TEAD1: variants seen among roughly 807,000 people sequenced by gnomAD.
TEAD1 encodes transcriptional enhancer factor TEF-1.
TEAD1 carries 9 observed loss-of-function variants against 54.9 expected under a neutral mutation model. The observed-to-expected ratio is 0.16, with a 90% CI of 0.10 to 0.29. The LOEUF is 0.29. Ranked by LOEUF, TEAD1 falls within the 10% of genes least tolerant of loss-of-function variation. The pLI is 1.00. For synonymous variants in TEAD1, 200 were observed against 187.8 expected, an observed-to-expected ratio of 1.07 and a Z score of -0.53; for missense variants, 387 against 535.9, an observed-to-expected ratio of 0.72 and a Z score of 2.74.
rs67533556 is a variant in TEAD1, at chr11:12,775,657, AATATAG to A, written c.202+11225_202+11230del. The stretch of plus-strand genomic sequence containing the variant: ...GAGACTGTTCAACTTGATAAATCTA[AATATAG>A]AAGTGTGTTCGTTGGGAGGATCCTA... On this transcript the variant is annotated intron_variant, in intron 3 of 12. Coordinates refer to ENST00000527636, the MANE Select transcript of TEAD1 (RefSeq NM_021961.6). Among the ~76,000 whole-genome samples, 1,333 of 151,288 alleles carry A rather than the reference AATATAG, an allele frequency of 8.8e-3. 21 individuals carry two copies. Among genetic ancestry groups the A allele is most frequent in the African/African-American group, 0.03 (1,233 of 40,584 alleles).
At chr11:12,850,247 C>G (rs1947246204) in intron 3 of TEAD1, among the ~76,000 whole-genome samples, 1 of 152,118 alleles carries the variant, frequency 6.6e-6, no homozygotes, top group Admixed American at 6.5e-5. Context: ...CCCAGCATGA[C>G]CAGCGTGGGG....
In TEAD1 at chr11:12,870,329, C is replaced by T. The variant is rs567612365; in HGVS notation, c.330+5429C>T. ...AGACCCTGACTGCAGAGGAGAGATACGAGGTTCAGGACATATAGGGGATGG... is the reference window on the plus strand; with the variant it reads ...AGACCCTGACTGCAGAGGAGAGATATGAGGTTCAGGACATATAGGGGATGG... On this transcript the variant is annotated intron_variant, in intron 5 of 12. Coordinates refer to ENST00000527636, the MANE Select transcript of TEAD1 (RefSeq NM_021961.6). 3.3e-5 allele frequency among the ~76,000 whole-genome samples: 5 copies of T among 152,104 alleles called. No homozygotes were observed. In the East Asian group the frequency reaches 5.8e-4, roughly 18 times the overall value.
At chr11:12,686,455 AT>A (rs1293435326) in intron 2 of TEAD1, among the ~76,000 whole-genome samples, 6 of 152,174 alleles carry the variant, frequency 3.9e-5, no homozygotes, top group South Asian at 4.1e-4. Context: ...ACTCATAAGT[AT>A]TTTTTTAAAA....
At chr11:12,775,683 A>C (rs1945402188) in intron 3 of TEAD1, among the ~76,000 whole-genome samples, 1 of 152,138 alleles carries the variant, frequency 6.6e-6, no homozygotes, top group African/African-American at 2.4e-5. Flanking sequence ...CGTTGGGAGG[A>C]TCCTAGAAAA....
At chr11:12,890,208 C>G (rs1326460235) in intron 9 of TEAD1, among the ~76,000 whole-genome samples, 1 of 152,200 alleles carries the variant, frequency 6.6e-6, no homozygotes, top group Non-Finnish European at 1.5e-5. Context: ...ACTCTGTATT[C>G]TTAACCATGT....
intron 3 of TEAD1, among the ~76,000 whole-genome samples, chr11:12,773,912 T>C (rs1945364723): frequency 6.6e-6 from 1 of 152,242 alleles, no homozygotes; most frequent in Admixed American, 6.5e-5. Flanking sequence ...TCTAAGAGTT[T>C]ATAGTTGTAT....
intron 2 of TEAD1, among the ~76,000 whole-genome samples, chr11:12,753,615 A>G (rs1432747042): frequency 1.3e-5 from 2 of 151,842 alleles, no homozygotes; most frequent in East Asian, 3.9e-4. Flanking sequence ...CTGATTTCTT[A>G]TTGTTTGGAG....
intron 5 of TEAD1, among the ~76,000 whole-genome samples, chr11:12,871,149 C>T (rs2134081616): frequency 6.6e-6 from 1 of 152,332 alleles, no homozygotes; most frequent in Non-Finnish European, 1.5e-5. Flanking sequence ...GCTTCTAGGC[C>T]TATGGAATAT....
At chr11:12,732,011 T>C (rs936578613) in intron 2 of TEAD1, among the ~76,000 whole-genome samples, 1 of 152,352 alleles carries the variant, frequency 6.6e-6, no homozygotes, top group Admixed American at 6.5e-5. Flanking sequence ...CACTGAGTCA[T>C]TGAGCTTGTG....
chr11:12,724,642 C>T (rs1040992837), intron 2 of TEAD1, among the ~76,000 whole-genome samples: 4 of 152,208 alleles, frequency 2.6e-5, no homozygotes, highest in Admixed American at 2.6e-4. Context: ...GTTCAGGTGC[C>T]TTTGAAACAC....
intron 3 of TEAD1, among the ~76,000 whole-genome samples, chr11:12,788,209 T>G (rs1292005147): frequency 1.3e-5 from 2 of 151,322 alleles, no homozygotes; most frequent in East Asian, 3.9e-4. Flanking sequence ...CGACCTTGGC[T>G]CACTGCAACC....
At chr11:12,830,971 C>T (rs1946766911) in intron 3 of TEAD1, among the ~76,000 whole-genome samples, 1 of 152,186 alleles carries the variant, frequency 6.6e-6, no homozygotes, top group African/African-American at 2.4e-5. Context: ...TGCCCTTCAT[C>T]TGCCGCAGGA....
chr11:12,684,955 A>G (rs1943302953), intron 2 of TEAD1, among the ~76,000 whole-genome samples: 1 of 152,196 alleles, frequency 6.6e-6, no homozygotes, highest in South Asian at 2.1e-4. Context: ...AGATGAGCTG[A>G]GTTCCTTCTG....
At chr11:12,860,856 C>T (rs76627537) in intron 3 of TEAD1, among the ~76,000 whole-genome samples, 5,194 of 152,182 alleles carry the variant, frequency 0.034, 318 homozygotes, top group African/African-American at 0.12. Context: ...TAGAACAAGG[C>T]AACCAAACCT....
intron 2 of TEAD1, among the ~76,000 whole-genome samples, chr11:12,687,780 A>G (rs1943364024): frequency 6.6e-6 from 1 of 152,002 alleles, no homozygotes; most frequent in Non-Finnish European, 1.5e-5. Flanking sequence ...ATCCTGCCCC[A>G]TTCACCTCTC....
intron 9 of TEAD1, among the ~76,000 whole-genome samples, chr11:12,901,652 GT>G (rs1226477620): frequency 2.0e-5 from 3 of 152,184 alleles, no homozygotes; most frequent in Non-Finnish European, 4.4e-5. Flanking sequence ...TTGTTTCTTG[GT>G]TTGGTAGCTG....
chr11:12,891,449 T>A (rs925498392), intron 9 of TEAD1, among the ~76,000 whole-genome samples: 1 of 152,066 alleles, frequency 6.6e-6, no homozygotes, highest in Admixed American at 6.6e-5. Flanking sequence ...AGGGGAGAGA[T>A]GTTATGGAGA....
intron 3 of TEAD1, among the ~76,000 whole-genome samples, chr11:12,818,089 C>T (rs1946453545): frequency 6.6e-6 from 1 of 152,230 alleles, no homozygotes; most frequent in African/African-American, 2.4e-5. Context: ...GCTGTCATTA[C>T]TTTTCATATA....
intron 2 of TEAD1, among the ~76,000 whole-genome samples, chr11:12,716,032 G>C (rs577077666): frequency 8.4e-4 from 128 of 151,790 alleles, no homozygotes; most frequent in South Asian, 1.5e-3. Context: ...CCAAGACTGA[G>C]ACTGTCATTT....
Sources: allele counts gnomAD v4.1 joint callset (sites outside exome capture counted in the v4.1 genomes callset), GRCh38; gene constraint gnomAD v4.1.1; transcripts MANE v1.5; gene names NCBI Gene and HGNC (gene_info 2026-07-23, HGNC 2026-07-21).